Variants in SPEF2 observed in about 807,000 individuals in gnomAD.
SPEF2 encodes sperm flagellar and cilia associated 2, also known as sperm flagella and cilia-associated protein 2.
In SPEF2, 187 loss-of-function variants were observed where a neutral mutation model predicts 224.6. That is an observed-to-expected ratio of 0.83 (90% CI 0.74 to 0.94). SPEF2 has a LOEUF of 0.94. SPEF2 is among the 40% of genes least tolerant of loss of function. The probability of loss-of-function intolerance (pLI) is 0.00; values close to 1 mark genes in which losing one functional copy is unlikely to be tolerated. For synonymous variants in SPEF2, 715 were observed against 707.3 expected (o/e 1.01, Z -0.17); for missense variants, 2,170 against 2,135.6 (o/e 1.02, Z -0.32).
chr5:35,728,269 A>AGCTATCT (rs11281881), intron 21 of SPEF2, among the ~76,000 whole-genome samples: 6,932 of 152,248 alleles, frequency 0.046, 554 homozygotes, highest in African/African-American at 0.16. Flanking sequence ...AAGAACAGAC[A>AGCTATCT]GCTATCTGAC....
intron 26 of SPEF2, among the ~76,000 whole-genome samples, chr5:35,769,456 C>G (rs1179016773): frequency 2.0e-5 from 3 of 152,228 alleles, no homozygotes; most frequent in African/African-American, 7.2e-5. Flanking sequence ...TCTGCTTGCT[C>G]TCTGAAACCT....
intron 23 of SPEF2, among the ~76,000 whole-genome samples, 188 bp from the exon 24 acceptor site, chr5:35,753,436 T>C (rs1176773378): frequency 2.0e-5 from 3 of 152,116 alleles, no homozygotes; most frequent in Admixed American, 2.0e-4. Context: ...TCTTCAAACG[T>C]AAGGGACTGA....
intron 10 of SPEF2, among the ~76,000 whole-genome samples, chr5:35,676,174 GA>G (rs1751973788): frequency 6.6e-6 from 1 of 152,164 alleles, no homozygotes; most frequent in Admixed American, 6.5e-5. Flanking sequence ...AGATCAGAGT[GA>G]TTGTCCACCA....
At chr5:35,643,626 A>ACTTGAGCTTT in intron 3 of SPEF2, 1 of 449,528 alleles carries the variant, frequency 2.2e-6, no homozygotes. Context: ...TCAATGGTTC[A>ACTTGAGCTTT]TGTGGAAGAG....
At chr5:35,808,492 A>G (rs1193080296) in intron 36 of SPEF2, among the ~76,000 whole-genome samples, 1 of 152,000 alleles carries the variant, frequency 6.6e-6, no homozygotes, top group African/African-American at 2.4e-5. Flanking sequence ...GAGTGAGAAC[A>G]TGCGGTATTT....
chr5:35,679,380 C>T lies in SPEF2; in HGVS notation c.1524+9153C>T, dbSNP rs572781246. 2.0e-5 allele frequency among the ~76,000 whole-genome samples: 3 copies of T among 152,198 alleles called. No individual in the cohort carries two copies. The East Asian group carries it at 5.8e-4, about 29-fold the overall frequency. On this transcript the variant is annotated intron_variant, in intron 10 of 36. Coordinates refer to ENST00000356031, the MANE Select transcript of SPEF2 (RefSeq NM_024867.4). Reference sequence around the variant, plus strand: ...CCTTTGAGCATGCCAATGATCAAAACTGAGATTGGGTGAGGACCAGACTAG... The same window carrying T: ...CCTTTGAGCATGCCAATGATCAAAATTGAGATTGGGTGAGGACCAGACTAG...
chr5:35,800,085 A>C lies in SPEF2; in HGVS notation c.4948A>C (p.Ser1650Arg), dbSNP rs1476399087. ...DTVEGVYRALSVAVGTHVFQQ... is the reference protein window; with the variant it reads ...DTVEGVYRALRVAVGTHVFQQ... ...CGTGGAAGGAGTCTACAGGGCCCTC[A>C]GTGTGGCTGTTGGAACTCATGTCTT... The change falls in exon 34 of 37, where the codon AGT (serine) becomes CGT (arginine). Residue 1650 changes from serine to arginine, a missense_variant. By Grantham distance (110) the Ser-to-Arg change is moderately radical. Coordinates refer to ENST00000356031, the MANE Select transcript of SPEF2 (RefSeq NM_024867.4). 1 of 1,614,038 alleles carries C rather than the reference A, an allele frequency of 6.2e-7. No individual in the cohort carries two copies. Among genetic ancestry groups the C allele is most frequent in the African/African-American group, 1.3e-5 (1 of 74,910 alleles).
chr5:35,804,356 T>C (rs1757803406), intron 34 of SPEF2, among the ~76,000 whole-genome samples: 1 of 152,210 alleles, frequency 6.6e-6, no homozygotes, highest in Non-Finnish European at 1.5e-5. Context: ...TAATGTGACT[T>C]TTGTAGAGCT....
chr5:35,799,371 C>T (rs993709836), intron 33 of SPEF2, among the ~76,000 whole-genome samples: 2 of 152,142 alleles, frequency 1.3e-5, no homozygotes, highest in African/African-American at 4.8e-5. Flanking sequence ...GACCCTGTGT[C>T]AATGTCAGCT....
intron 20 of SPEF2, among the ~76,000 whole-genome samples, chr5:35,725,583 C>G (rs1744497661): frequency 6.6e-6 from 1 of 152,122 alleles, no homozygotes; most frequent in Non-Finnish European, 1.5e-5. Flanking sequence ...AATTGATCCT[C>G]TTATCTTAGA....
chr5:35,630,148 T>TC (rs1247356391), intron 2 of SPEF2, among the ~76,000 whole-genome samples: 3 of 152,148 alleles, frequency 2.0e-5, no homozygotes, highest in Admixed American at 2.0e-4. Flanking sequence ...CCTGTGGCTT[T>TC]CAGGGTACAA....
At position 35,723,288 on chromosome 5, in the gene SPEF2, G is replaced by A. The variant is rs182049745; in HGVS notation, c.2915-4387G>A. 5.4e-4 allele frequency among the ~76,000 whole-genome samples: 83 copies of A among 152,302 alleles called. 1 individual carries two copies. In the East Asian group the frequency reaches 0.013, roughly 24 times the overall value. ...TAACTAGATCATCTATGAGAGCAGA[G>A]GCTCTTCAAGTATGGTTTTGGGACC... On this transcript the variant is annotated intron_variant, in intron 20 of 36. Transcript: ENST00000356031.
At chr5:35,650,728 T>G (rs1346558053) in intron 6 of SPEF2, among the ~76,000 whole-genome samples, 1 of 152,184 alleles carries the variant, frequency 6.6e-6, no homozygotes, top group Non-Finnish European at 1.5e-5. Flanking sequence ...TGTCAGTTAT[T>G]AAATGTCTTA....
chr5:35,651,592 G>A (rs866223796), intron 6 of SPEF2, among the ~76,000 whole-genome samples: 3 of 152,210 alleles, frequency 2.0e-5, no homozygotes, highest in African/African-American at 4.8e-5. Flanking sequence ...TTACAATATA[G>A]CACCCTTCTT....
intron 30 of SPEF2, chr5:35,788,424 AG>A (rs1277822715): frequency 1.0e-5 from 7 of 702,490 alleles, no homozygotes; most frequent in Non-Finnish European, 1.6e-5. Context: ...AATCTAAGAG[AG>A]AAATTAGAAA....
intron 33 of SPEF2, among the ~76,000 whole-genome samples, chr5:35,796,935 G>A (rs1261518994): frequency 6.6e-6 from 1 of 152,116 alleles, no homozygotes; most frequent in Non-Finnish European, 1.5e-5. Flanking sequence ...GTGTGTTGTT[G>A]TTTTTAATGT....
At chr5:35,618,817 C>T (rs1378900764) in intron 1 of SPEF2, among the ~76,000 whole-genome samples, 1 of 152,050 alleles carries the variant, frequency 6.6e-6, no homozygotes, top group Non-Finnish European at 1.5e-5. Flanking sequence ...CTGGCAGCTT[C>T]CTTGACTGCC....
chr5:35,646,637 T>C, intron 4 of SPEF2, 30 bp from the exon 5 acceptor site: 1 of 1,599,006 alleles, frequency 6.3e-7, no homozygotes, highest in Non-Finnish European at 8.5e-7. Context: ...TTATTCTGAA[T>C]CACTAAACTA....
At position 35,646,661 on chromosome 5, in the gene SPEF2, A is replaced by G; in HGVS notation, c.586-6A>G. ...ATCACTAAACTAATGTATATGGGAT[A>G]TTCAGCAATACTTAAACAGAAGACG... On this transcript the variant is annotated splice_polypyrimidine_tract_variant and splice_region_variant and intron_variant, in intron 4 of 36. Coordinates refer to ENST00000356031, the MANE Select transcript of SPEF2 (RefSeq NM_024867.4). 1 of 1,612,894 alleles carries G rather than the reference A, an allele frequency of 6.2e-7. No homozygotes were observed. Among genetic ancestry groups the G allele is most frequent in the Non-Finnish European group, 8.5e-7 (1 of 1,179,410 alleles).
Sources: allele counts gnomAD v4.1 joint callset (sites outside exome capture counted in the v4.1 genomes callset), GRCh38; gene constraint gnomAD v4.1.1; transcripts MANE v1.5; gene names NCBI Gene and HGNC (gene_info 2026-07-23, HGNC 2026-07-21).